CACNG2: variants seen among roughly 807,000 people sequenced by gnomAD.
CACNG2 encodes calcium voltage-gated channel auxiliary subunit gamma 2.
Under a neutral mutation model 25.9 loss-of-function variants are expected in CACNG2, and 3 were observed. That is an observed-to-expected ratio of 0.12 (90% CI 0.05 to 0.30). The LOEUF is 0.30. Ranked by LOEUF, CACNG2 falls within the 10% of genes least tolerant of loss-of-function variation. CACNG2 has a pLI of 1.00. For missense variants in CACNG2, 341 were observed against 432.5 expected (o/e 0.79, Z 1.88); for synonymous variants, 167 against 173.3 (o/e 0.96, Z 0.29).
chr22:36,627,106 AACTAGAGCCAGATAT>A (rs1346076475), intron 1 of CACNG2, among the ~76,000 whole-genome samples: 1 of 152,180 alleles, frequency 6.6e-6, no homozygotes, highest in African/African-American at 2.4e-5. Context: ...TGAGACAGTA[AACTAGAGCCAGATAT>A]GAAGAGACTG....
At chr22:36,660,200 G>A (rs574050651) in intron 1 of CACNG2, among the ~76,000 whole-genome samples, 14 of 152,340 alleles carry the variant, frequency 9.2e-5, no homozygotes, top group East Asian at 7.7e-4. Flanking sequence ...GTCATCTCCC[G>A]TCCCCAGTGC....
At chr22:36,696,061 T>C (rs936714606) in intron 1 of CACNG2, among the ~76,000 whole-genome samples, 5 of 152,242 alleles carry the variant, frequency 3.3e-5, no homozygotes, top group Non-Finnish European at 5.9e-5. Flanking sequence ...AAATATTTCT[T>C]GCATTATCAG....
chr22:36,565,981 A>G (rs1478067445), intron 3 of CACNG2, among the ~76,000 whole-genome samples: 1 of 152,260 alleles, frequency 6.6e-6, no homozygotes, highest in Non-Finnish European at 1.5e-5. Flanking sequence ...TGAGTATCCC[A>G]TAGGGGTTGG....
chr22:36,670,923 T>C (rs115249924), intron 1 of CACNG2, among the ~76,000 whole-genome samples: 4,439 of 137,062 alleles, frequency 0.032, 230 homozygotes, highest in African/African-American at 0.13. Context: ...TCTATATTCT[T>C]TTTTTTTTTT....
chr22:36,616,736 A>G (rs979339199), intron 1 of CACNG2, among the ~76,000 whole-genome samples: 6 of 152,100 alleles, frequency 3.9e-5, no homozygotes, highest in African/African-American at 1.2e-4. Flanking sequence ...TTCAACTGCC[A>G]TCTCCTTTCT....
intron 1 of CACNG2, among the ~76,000 whole-genome samples, chr22:36,612,089 T>A (rs1003303674): frequency 6.6e-6 from 1 of 152,176 alleles, no homozygotes. Flanking sequence ...CAAGTATCAG[T>A]AGGACATTTT....
intron 1 of CACNG2, among the ~76,000 whole-genome samples, chr22:36,613,499 C>T (rs1394352923): frequency 2.6e-5 from 4 of 152,110 alleles, no homozygotes; most frequent in African/African-American, 7.2e-5. Context: ...CGTCTGGGTC[C>T]TCAAGGTTGC....
chr22:36,640,707 C>T (rs1473876531), intron 1 of CACNG2, among the ~76,000 whole-genome samples: 3 of 152,206 alleles, frequency 2.0e-5, no homozygotes, highest in African/African-American at 4.8e-5. Context: ...TCTTTGTTTC[C>T]GCGCTTGTTC....
At chr22:36,620,567 C>T (rs2283994) in intron 1 of CACNG2, among the ~76,000 whole-genome samples, 27,848 of 152,208 alleles carry the variant, frequency 0.18, 3,567 homozygotes, top group African/African-American at 0.36. Flanking sequence ...GAGTAAGACT[C>T]CCCAGATTTG....
chr22:36,656,934 G>A (rs1473928942), intron 1 of CACNG2, among the ~76,000 whole-genome samples: 3 of 152,148 alleles, frequency 2.0e-5, no homozygotes, highest in Non-Finnish European at 4.4e-5. Flanking sequence ...TTTATTTATC[G>A]ATTGGTTGTC....
rs546581222 is a variant in CACNG2 at position 36,585,697 on chromosome 22, C to T, written c.295+1768G>A. ...TACAGAAAAAGTTTGCCGACCCCTG[C>T]TACAGGTGTTCAAAAAATATTGTTG... On this transcript the variant is annotated intron_variant, in intron 2 of 3. Coordinates refer to ENST00000300105, the MANE Select transcript of CACNG2 (RefSeq NM_006078.5). Among the ~76,000 whole-genome samples the T allele has an allele frequency of 2.6e-5, 4 of 152,334 alleles. No individual in the cohort carries two copies. In the South Asian group the frequency reaches 8.3e-4, roughly 32 times the overall value.
At chr22:36,584,656 C>T (rs1935471379) in intron 2 of CACNG2, 1 of 152,264 alleles carries the variant, frequency 6.6e-6, no homozygotes, top group Admixed American at 6.5e-5. Context: ...TGAATTGGCT[C>T]TGGTGCCACC....
rs575544192 is a variant in CACNG2 at position 36,611,864 on chromosome 22, C to A, written c.212-24316G>T. Among the ~76,000 whole-genome samples the A allele has an allele frequency of 4.6e-5, 7 of 152,284 alleles. No individual in the cohort carries two copies. The East Asian group carries it at 1.2e-3, about 25-fold the overall frequency. On this transcript the variant is annotated intron_variant, in intron 1 of 3. Coordinates refer to ENST00000300105, the MANE Select transcript of CACNG2 (RefSeq NM_006078.5). ...CGTCTCGGGGACAAGGGAGTAGAGA[C>A]CTGGGACCATGAGTTTCAGCATCAG...
At chr22:36,670,492 CA>C (rs1436506413) in intron 1 of CACNG2, among the ~76,000 whole-genome samples, 4 of 151,950 alleles carry the variant, frequency 2.6e-5, no homozygotes, top group Non-Finnish European at 1.5e-5. Flanking sequence ...TCATGATAGC[CA>C]AAAAAATTGA....
intron 1 of CACNG2, among the ~76,000 whole-genome samples, chr22:36,619,565 C>A (rs1451632367): frequency 6.6e-6 from 1 of 152,102 alleles, no homozygotes; most frequent in Non-Finnish European, 1.5e-5. Context: ...ATCTTAAGAC[C>A]CTCATACATA....
chr22:36,601,166 G>C (rs1045341575), intron 1 of CACNG2, among the ~76,000 whole-genome samples: 1 of 151,862 alleles, frequency 6.6e-6, no homozygotes, highest in African/African-American at 2.4e-5. Context: ...CCCAGATCTT[G>C]GTAACCACTG....
rs1569018725 is a variant in CACNG2, at chr22:36,578,571, C to A, written c.295+8894G>T. 2.6e-5 allele frequency among the ~76,000 whole-genome samples: 4 copies of A among 152,134 alleles called. No homozygotes were observed. The South Asian group carries it at 6.2e-4, about 24-fold the overall frequency. On this transcript the variant is annotated intron_variant, in intron 2 of 3. Transcript: ENST00000300105. ...CAGGCCCTTTTATTCTAAGTAACAA[C>A]CTCGGGTTTTGACACCTGGTCTCCC...
At position 36,579,176 on chromosome 22, in the gene CACNG2, G is replaced by A. The variant is rs191014650; in HGVS notation, c.295+8289C>T. ...TCCCAGCACTTTGGGAAGCCGAGGTGGGTGGATCACCTGAGGTCAGGAGTT... is the reference window on the plus strand; with the variant it reads ...TCCCAGCACTTTGGGAAGCCGAGGTAGGTGGATCACCTGAGGTCAGGAGTT... On this transcript the variant is annotated intron_variant, in intron 2 of 3. Transcript: ENST00000300105. 2.4e-3 allele frequency among the ~76,000 whole-genome samples: 361 copies of A among 152,130 alleles called. 8 individuals are homozygous for A. The highest frequency in any genetic ancestry group is 0.022 in the Admixed American group (332 of 15,270).
chr22:36,657,904 T>C (rs1168425461), intron 1 of CACNG2, among the ~76,000 whole-genome samples: 1 of 151,948 alleles, frequency 6.6e-6, no homozygotes, highest in African/African-American at 2.4e-5. Context: ...AAAGAAAATC[T>C]CCGTTCACTC....
Sources: gnomAD v4.1 joint callset for allele counts (sites outside exome capture counted in the v4.1 genomes callset) on GRCh38, gnomAD v4.1.1 for gene constraint, MANE v1.5 for transcripts, NCBI Gene and HGNC (gene_info 2026-07-23, HGNC 2026-07-21) for gene names.